The following ZZEF1 variants were observed in gnomAD, a reference collection of about 807,000 sequenced individuals.
ZZEF1 encodes the protein zinc finger ZZ-type and EF-hand domain containing 1, also known as zinc finger ZZ-type and EF-hand domain-containing protein 1.
In ZZEF1, 157 loss-of-function variants were observed where a neutral mutation model predicts 342.8. The observed-to-expected ratio is 0.46, with a 90% confidence interval of 0.40 to 0.52. The LOEUF is 0.52. Among genes scored for constraint, ZZEF1 ranks in the 20% least tolerant of loss-of-function variants. The pLI is 0.00. For synonymous variants in ZZEF1, 1,505 were observed against 1,429.1 expected (o/e 1.05, Z -1.20); for missense variants, 3,480 against 3,725.6 (o/e 0.93, Z 1.72).
intron 11 of ZZEF1, among the ~76,000 whole-genome samples, chr17:4,094,851 G>A (rs570885316): frequency 2.6e-5 from 4 of 152,098 alleles, no homozygotes; most frequent in Non-Finnish European, 5.9e-5. Context: ...TGGCTTCCTA[G>A]GCAATAAGTG....
At chr17:4,120,923 T>C in intron 2 of ZZEF1, among the ~76,000 whole-genome samples, 1 of 152,224 alleles carries the variant, frequency 6.6e-6, no homozygotes, top group East Asian at 1.9e-4. Context: ...CTTAAACGCT[T>C]AAGCACCAAC....
At chr17:4,124,590 C>G (rs2058543394) in intron 1 of ZZEF1, among the ~76,000 whole-genome samples, 1 of 150,770 alleles carries the variant, frequency 6.6e-6, no homozygotes, top group African/African-American at 2.4e-5. Flanking sequence ...CTACAGGCGC[C>G]TGCCACAACG....
Position 4,034,003 on chromosome 17 carries a change from G to A in ZZEF1, c.6584+12C>T. On this transcript the variant is annotated intron_variant, in intron 40 of 54. Coordinates refer to ENST00000381638, the MANE Select transcript of ZZEF1 (RefSeq NM_015113.4). ...GAGGGCAGGTGGTTAGAGGAGCGAG[G>A]ACCAAGGCTACCTGTCCAGACACAC... 6.2e-7 allele frequency: 1 copy of A among 1,612,142 alleles called. No homozygotes were observed. Among genetic ancestry groups the A allele is most frequent in the Non-Finnish European group, 8.5e-7 (1 of 1,178,760 alleles).
chr17:4,050,968 C>T lies in ZZEF1; in HGVS notation c.5676G>A (p.Gln1892=), dbSNP rs1416086206. Residue 1892 remains glutamine (Q), a synonymous_variant, in exon 36 of 55, where the codon CAG becomes CAA. Coordinates refer to ENST00000381638, the MANE Select transcript of ZZEF1 (RefSeq NM_015113.4). ...IRISDRQRLI[Q]PYIHNYSWLL... is the part of the protein sequence containing the mutation. ...GCCAGGAGTAGTTATGGATATATGG[C>T]TGGATGAGCCTCTGCCGGTCACTGA... is the stretch of plus-strand genomic sequence containing the variant. 1.2e-6 allele frequency: 2 copies of T among 1,614,236 alleles called. No homozygotes were observed. The highest frequency in any genetic ancestry group is 1.7e-6 in the Non-Finnish European group (2 of 1,180,048).
chr17:4,009,206 A>C, intron 53 of ZZEF1: 1 of 577,256 alleles, frequency 1.7e-6, no homozygotes, highest in East Asian at 2.9e-5. Context: ...CAGTTTCCTC[A>C]TGTGTGAAAG....
Position 4,075,193 on chromosome 17 carries a change from C to G in ZZEF1, c.3402-15G>C, listed in dbSNP as rs1597853257. On this transcript the variant is annotated splice_polypyrimidine_tract_variant and intron_variant, in intron 22 of 54. Coordinates refer to ENST00000381638, the MANE Select transcript of ZZEF1 (RefSeq NM_015113.4). ...GATAATCATACCTGTGAAGGCATAA[C>G]CTCTATTAGCTTCCTTCTCTCATTG... The G allele has an allele frequency of 6.2e-7, 1 of 1,613,964 alleles. No individual in the cohort carries two copies.
At position 4,129,863 on chromosome 17, in the gene ZZEF1, G is replaced by A. The variant is rs1381251269; in HGVS notation, c.355-5812C>T. 2.6e-5 allele frequency among the ~76,000 whole-genome samples: 4 copies of A among 152,176 alleles called. No homozygotes were observed. In the East Asian group the frequency reaches 7.7e-4, roughly 29 times the overall value. On this transcript the variant is annotated intron_variant, in intron 1 of 54. Coordinates refer to ENST00000381638, the MANE Select transcript of ZZEF1 (RefSeq NM_015113.4). The stretch of plus-strand genomic sequence containing the variant: ...AAGAACAAGATCATGTCTTTTGTGG[G>A]AACATGGATGGAGCTGGAGGCCACT...
chr17:4,014,547 GA>G lies in ZZEF1; in HGVS notation c.8146-33del, dbSNP rs2056050786. 11 of 1,610,790 alleles carry G rather than the reference GA, an allele frequency of 6.8e-6. No individual in the cohort carries two copies. Among genetic ancestry groups the G allele is most frequent in the Non-Finnish European group, 9.3e-6 (11 of 1,177,618 alleles). On this transcript the variant is annotated intron_variant, in intron 49 of 54. Coordinates refer to ENST00000381638, the MANE Select transcript of ZZEF1 (RefSeq NM_015113.4). This position sits in a 1 kb window ranked among gnomAD's most constrained non-coding sequence, Gnocchi z 4.4. ...AGGGGAAATGGAGAACACATCTGTCGATGCTGCTCACTAGACACTGACTGCA... is the reference window on the plus strand; with the variant it reads ...AGGGGAAATGGAGAACACATCTGTCGTGCTGCTCACTAGACACTGACTGCA...
In ZZEF1 at chr17:4,112,551, A is replaced by T. The variant is rs1461391839; in HGVS notation, c.1066+58T>A. Reference sequence around the variant, plus strand: ...CAAAAACTAACAGCCTCTTCACTTCAAAGTAAAAAATACTACTCCCTTGCT... The same window carrying T: ...CAAAAACTAACAGCCTCTTCACTTCTAAGTAAAAAATACTACTCCCTTGCT... On this transcript the variant is annotated intron_variant, in intron 5 of 54. Transcript: ENST00000381638. 4 of 1,568,904 alleles carry T rather than the reference A, an allele frequency of 2.5e-6. No individual in the cohort carries two copies. The Admixed American group carries it at 7.0e-5, about 28-fold the overall frequency.
intron 44 of ZZEF1, among the ~76,000 whole-genome samples, chr17:4,021,704 C>CA (rs2056275093): frequency 6.6e-6 from 1 of 151,976 alleles, no homozygotes; most frequent in African/African-American, 2.4e-5. Flanking sequence ...GCACTAATAC[C>CA]AAAAAAACTG....
chr17:4,062,846 T>G lies in ZZEF1; in HGVS notation c.4790A>C (p.His1597Pro). Residue 1597 changes from histidine to proline, a missense_variant, in exon 30 of 55, where the codon CAC (histidine) becomes CCC (proline). By Grantham distance (77) the His-to-Pro change is moderately conservative. Coordinates refer to ENST00000381638, the MANE Select transcript of ZZEF1 (RefSeq NM_015113.4). ...GGGCTGCCCAAGGGATTCTGCACAG[T>G]GCTGAGTTATCTTCAGGACTTCCAG... ...SILEVLKITQ[H>P]CAESLGQPHC... The G allele has an allele frequency of 6.2e-7, 1 of 1,613,666 alleles. No homozygotes were observed. Among genetic ancestry groups the G allele is most frequent in the African/African-American group, 1.3e-5 (1 of 75,032 alleles).
chr17:4,099,101 G>C (rs1171819559), intron 9 of ZZEF1, among the ~76,000 whole-genome samples: 1 of 151,694 alleles, frequency 6.6e-6, no homozygotes, highest in Non-Finnish European at 1.5e-5. Flanking sequence ...AAATAACACT[G>C]CCACCAAATA....
chr17:4,106,734 CA>C (rs2058219461), intron 6 of ZZEF1, among the ~76,000 whole-genome samples: 1 of 152,166 alleles, frequency 6.6e-6, no homozygotes, highest in African/African-American at 2.4e-5. Flanking sequence ...ATTTACGCAA[CA>C]AATGACTTCT....
intron 2 of ZZEF1, among the ~76,000 whole-genome samples, chr17:4,120,285 A>T (rs1444856206): frequency 6.6e-6 from 1 of 151,692 alleles, no homozygotes; most frequent in Non-Finnish European, 1.5e-5. Context: ...TGAATCCGGG[A>T]GGCAGAAGTT....
chr17:4,049,025 A>G (rs2056988783), intron 37 of ZZEF1, among the ~76,000 whole-genome samples: 1 of 151,896 alleles, frequency 6.6e-6, no homozygotes, highest in South Asian at 2.1e-4. Flanking sequence ...TAATTTCTTT[A>G]GGTGCACAAT....
intron 1 of ZZEF1, among the ~76,000 whole-genome samples, chr17:4,132,924 C>CAG (rs1597945185): frequency 6.6e-6 from 1 of 152,094 alleles, no homozygotes; most frequent in East Asian, 1.9e-4. Flanking sequence ...TGAGATCACG[C>CAG]CACTGCAGTC....
At chr17:4,065,057 GT>G (rs1005892141) in intron 28 of ZZEF1, among the ~76,000 whole-genome samples, 2 of 152,096 alleles carry the variant, frequency 1.3e-5, no homozygotes, top group African/African-American at 4.8e-5. Context: ...GCCTACTTCT[GT>G]AGAGAAAATA....
chr17:4,062,112 C>A (rs2057298189), intron 30 of ZZEF1, among the ~76,000 whole-genome samples: 1 of 152,068 alleles, frequency 6.6e-6, no homozygotes, highest in African/African-American at 2.4e-5. Flanking sequence ...GACTAACTCC[C>A]CCCCTGGAGC....
chr17:4,064,199 GAAAA>G (rs35217401), intron 29 of ZZEF1, among the ~76,000 whole-genome samples, 158 bp downstream of exon 29: 1 of 139,118 alleles, frequency 7.2e-6, no homozygotes, highest in African/African-American at 2.6e-5. Context: ...CTTCTTTAAA[GAAAA>G]AAAAAAAAAT....
Sources: allele counts gnomAD v4.1 joint callset (sites outside exome capture counted in the v4.1 genomes callset), GRCh38; gene constraint gnomAD v4.1.1; non-coding constraint Gnocchi (gnomAD v3.1); transcripts MANE v1.5; gene names NCBI Gene and HGNC (gene_info 2026-07-23, HGNC 2026-07-21).